Variants in DSCAM observed in about 807,000 individuals in gnomAD.
DSCAM encodes the protein cell adhesion molecule DSCAM.
DSCAM carries 47 observed loss-of-function variants against 217.7 expected under a neutral mutation model. That is an observed-to-expected ratio of 0.22 (90% CI 0.17 to 0.28). The LOEUF is 0.28. Ranked by LOEUF, DSCAM falls within the 10% of genes least tolerant of loss-of-function variation. The probability of loss-of-function intolerance (pLI) is 1.00; values close to 1 mark genes in which losing one functional copy is unlikely to be tolerated. For synonymous variants in DSCAM, 1,056 were observed against 1,015.3 expected, an observed-to-expected ratio of 1.04 and a Z score of -0.76; for missense variants, 2,080 against 2,618.3, an observed-to-expected ratio of 0.79 and a Z score of 4.49.
intron 1 of DSCAM, among the ~76,000 whole-genome samples, chr21:40,773,260 CA>C (rs1325762260): frequency 2.0e-5 from 3 of 152,232 alleles, no homozygotes; most frequent in Admixed American, 2.0e-4. Flanking sequence ...TTGCTTTAAA[CA>C]ATAGAAATTT....
At chr21:40,072,811 A>G (rs1009200074) in intron 27 of DSCAM, among the ~76,000 whole-genome samples, 7 of 152,068 alleles carry the variant, frequency 4.6e-5, no homozygotes, top group African/African-American at 1.7e-4. Context: ...CTTTCTTCCT[A>G]CTGAAACCTT....
intron 3 of DSCAM, among the ~76,000 whole-genome samples, chr21:40,468,818 T>G (rs2075865394): frequency 6.6e-6 from 1 of 151,990 alleles, no homozygotes; most frequent in African/African-American, 2.4e-5. Flanking sequence ...AGGAGGAGAT[T>G]TGTACAACAA....
intron 19 of DSCAM, among the ~76,000 whole-genome samples, chr21:40,132,870 G>T (rs1172811552): frequency 6.6e-6 from 1 of 152,176 alleles, no homozygotes; most frequent in Admixed American, 6.5e-5. Context: ...TAGTAGTGGG[G>T]GAGATAGCAT....
chr21:40,498,630 GTA>G (rs373254647), intron 3 of DSCAM, among the ~76,000 whole-genome samples: 36 of 99,682 alleles, frequency 3.6e-4, no homozygotes, highest in South Asian at 1.9e-3. Flanking sequence ...TATGCACTAT[GTA>G]TATATATATA....
chr21:40,683,531 C>T (rs759564384), intron 3 of DSCAM, among the ~76,000 whole-genome samples: 4 of 152,186 alleles, frequency 2.6e-5, no homozygotes, highest in African/African-American at 7.2e-5. Flanking sequence ...ACTGGGGGAC[C>T]TGAGCACCTG....
At position 40,758,545 on chromosome 21, in the gene DSCAM, G is replaced by C. The variant is rs2091298896; in HGVS notation, c.44-49774C>G. On this transcript the variant is annotated intron_variant, in intron 1 of 32. Coordinates refer to ENST00000400454, the MANE Select transcript of DSCAM (RefSeq NM_001389.5). Reference sequence around the variant, plus strand: ...AAAAAAAAAAAAAAGACCTAAAACTGAGATACAGAGGACAGGAGGTGTGGT... The same window carrying C: ...AAAAAAAAAAAAAAGACCTAAAACTCAGATACAGAGGACAGGAGGTGTGGT... Among the ~76,000 whole-genome samples, 3 of 147,402 alleles carry C rather than the reference G, an allele frequency of 2.0e-5. No individual in the cohort carries two copies. The South Asian group carries it at 6.5e-4, about 32-fold the overall frequency.
At chr21:40,629,318 G>T (rs2146315381) in intron 3 of DSCAM, among the ~76,000 whole-genome samples, 1 of 152,246 alleles carries the variant, frequency 6.6e-6, no homozygotes, top group Admixed American at 6.5e-5. Context: ...TCAAACAGAA[G>T]TAATCAAATT....
intron 3 of DSCAM, among the ~76,000 whole-genome samples, chr21:40,517,104 C>T (rs561469628): frequency 4.4e-4 from 65 of 146,200 alleles, no homozygotes; most frequent in African/African-American, 1.5e-3. Context: ...ACATATATAC[C>T]CCCACACATA....
chr21:40,449,578 T>C (rs563063771), intron 3 of DSCAM, among the ~76,000 whole-genome samples: 1 of 152,348 alleles, frequency 6.6e-6, no homozygotes, highest in South Asian at 2.1e-4. Flanking sequence ...ATCTATGATG[T>C]ATTGTCTAAT....
intron 20 of DSCAM, among the ~76,000 whole-genome samples, chr21:40,120,380 T>C (rs1295647534): frequency 6.6e-6 from 1 of 152,234 alleles, no homozygotes; most frequent in East Asian, 1.9e-4. Context: ...ACAATGTCTA[T>C]ATCATAATGC....
chr21:40,689,808 C>G (rs761890975), intron 3 of DSCAM, among the ~76,000 whole-genome samples: 1 of 152,184 alleles, frequency 6.6e-6, no homozygotes, highest in Admixed American at 6.5e-5. Context: ...GACAAATTAA[C>G]CTTTTACAGG....
intron 8 of DSCAM, among the ~76,000 whole-genome samples, chr21:40,318,195 G>A (rs1371054755): frequency 9.2e-6 from 1 of 109,166 alleles, no homozygotes; most frequent in Non-Finnish European, 1.8e-5. Flanking sequence ...TGGGGTGGGG[G>A]GAGGGGGGAC....
chr21:40,782,016 A>G (rs1265935132), intron 1 of DSCAM, among the ~76,000 whole-genome samples: 11 of 150,878 alleles, frequency 7.3e-5, no homozygotes, highest in African/African-American at 2.4e-4. Context: ...AAAAAGAAAA[A>G]AAAAATTAGC....
intron 14 of DSCAM, among the ~76,000 whole-genome samples, chr21:40,185,413 A>C (rs2090882722): frequency 6.6e-6 from 1 of 152,188 alleles, no homozygotes; most frequent in African/African-American, 2.4e-5. Context: ...AATCCCACAC[A>C]GGCTGGGTCC....
intron 3 of DSCAM, among the ~76,000 whole-genome samples, chr21:40,375,864 C>T (rs2074945034): frequency 6.6e-6 from 1 of 152,098 alleles, no homozygotes; most frequent in Non-Finnish European, 1.5e-5. Context: ...CACATTTCCT[C>T]ATGTAGACTG....
chr21:40,782,150 G>A (rs562877533), intron 1 of DSCAM, among the ~76,000 whole-genome samples: 2 of 150,978 alleles, frequency 1.3e-5, no homozygotes, highest in African/African-American at 4.9e-5. Context: ...CAGCCTGGGC[G>A]ACAGAGCGAG....
intron 3 of DSCAM, among the ~76,000 whole-genome samples, chr21:40,691,433 T>A (rs2090536620): frequency 6.6e-6 from 1 of 152,224 alleles, no homozygotes; most frequent in Admixed American, 6.5e-5. Flanking sequence ...CCTTGCCATA[T>A]AAATTGGAGG....
At chr21:40,797,897 T>C (rs1259694405) in intron 1 of DSCAM, among the ~76,000 whole-genome samples, 1 of 151,646 alleles carries the variant, frequency 6.6e-6, no homozygotes, top group African/African-American at 2.4e-5. Context: ...ATTACCAAAA[T>C]ATGAAAAATG....
At chr21:40,663,655 CT>C (rs1215722146) in intron 3 of DSCAM, among the ~76,000 whole-genome samples, 1 of 152,152 alleles carries the variant, frequency 6.6e-6, no homozygotes, top group Non-Finnish European at 1.5e-5. Context: ...AAAGAAGACT[CT>C]TTCCCCCTGG....
Sources: allele counts gnomAD v4.1 joint callset (sites outside exome capture counted in the v4.1 genomes callset), GRCh38; gene constraint gnomAD v4.1.1; transcripts MANE v1.5; gene names NCBI Gene and HGNC (gene_info 2026-07-23, HGNC 2026-07-21).